LITAFD: variants seen among roughly 807,000 people sequenced by gnomAD.
LITAFD encodes LITAF domain containing.
intron 3 of LITAFD, 63 bp downstream of exon 3, chr16:8,884,528 G>A: frequency 8.5e-6 from 2 of 236,358 alleles, no homozygotes; most frequent in Non-Finnish European, 1.6e-5. Flanking sequence ...GTCCGGGTGG[G>A]TCCCTGCAGG....
intron 3 of LITAFD, among the ~76,000 whole-genome samples, 193 bp downstream of exon 3, chr16:8,884,658 A>T (rs1234254804): frequency 6.6e-6 from 1 of 152,164 alleles, no homozygotes; most frequent in Non-Finnish European, 1.5e-5. Flanking sequence ...CCATGAGAAC[A>T]GCAGGGAGTG....
At chr16:8,882,981 G>A (rs759930649) in intron 1 of LITAFD, among the ~76,000 whole-genome samples, 4 of 152,128 alleles carry the variant, frequency 2.6e-5, no homozygotes, top group Admixed American at 6.5e-5. Flanking sequence ...GATTACAGGC[G>A]TGCGCCACTG....
chr16:8,882,943 C>T (rs72768266), intron 1 of LITAFD, among the ~76,000 whole-genome samples: 2,847 of 152,302 alleles, frequency 0.019, 39 homozygotes, highest in Middle Eastern at 0.061. Context: ...CCAAGTGATT[C>T]TCCTGCCTCG....
chr16:8,885,231 T>A, exon 4 of LITAFD: 1 of 398,858 alleles, frequency 2.5e-6, no homozygotes, highest in East Asian at 3.6e-5. Flanking sequence ...ATAAGGAGCC[T>A]AATGGACGTG....
intron 3 of LITAFD, 29 bp from the exon 4 acceptor site, chr16:8,885,158 C>T (rs1018231205): frequency 3.5e-5 from 14 of 399,186 alleles, no homozygotes; most frequent in Non-Finnish European, 5.7e-5. Context: ...TGGCCCCGCT[C>T]ACGCCCAGCC....
intron 2 of LITAFD, among the ~76,000 whole-genome samples, 187 bp from the exon 3 acceptor site, chr16:8,884,136 T>G (rs959345437): frequency 1.3e-5 from 2 of 151,998 alleles, no homozygotes; most frequent in African/African-American, 4.8e-5. Context: ...TAAGAACACT[T>G]CTTTCCTTAG....
At chr16:8,884,200 C>G (rs1325294303) in intron 2 of LITAFD, 123 bp from the exon 3 acceptor site, 1 of 397,024 alleles carries the variant, frequency 2.5e-6, no homozygotes, top group Non-Finnish European at 4.4e-6. Context: ...TATCAGGTCC[C>G]CAGTCTCCAG....
In LITAFD at chr16:8,884,758, G is replaced by A. The variant is rs531748992; in HGVS notation, c.110+293G>A. Among the ~76,000 whole-genome samples the A allele has an allele frequency of 1.4e-4, 22 of 152,264 alleles. No individual in the cohort carries two copies. In the South Asian group the frequency reaches 4.2e-3, roughly 29 times the overall value. On this transcript the variant is annotated intron_variant, in intron 3 of 3. Coordinates refer to ENST00000636296, the Ensembl canonical transcript of LITAFD. ...AGCAGCCAAGAGCTTGCGGGTTCAG[G>A]ATGGCTCTTACCTCTCAGCTGTGGA... is the stretch of plus-strand genomic sequence containing the variant.
exon 2 of LITAFD, chr16:8,883,256 G>T: frequency 6.6e-6 from 1 of 152,482 alleles, no homozygotes; most frequent in Non-Finnish European, 1.5e-5. Flanking sequence ...CTCCTCACCA[G>T]ATGTACTTTG....
chr16:8,883,926 G>A (rs1441932004), intron 2 of LITAFD, among the ~76,000 whole-genome samples: 1 of 152,164 alleles, frequency 6.6e-6, no homozygotes, highest in Non-Finnish European at 1.5e-5. Context: ...TAAGCCGGGT[G>A]TGATGGCACA....
exon 3 of LITAFD, chr16:8,884,393 G>A (rs1313467008): frequency 2.0e-5 from 8 of 399,044 alleles, no homozygotes; most frequent in African/African-American, 1.2e-4. Context: ...TGTGGAAACC[G>A]CATCATCACG....
At chr16:8,883,721 G>A (rs772522066) in intron 2 of LITAFD, among the ~76,000 whole-genome samples, 5 of 152,174 alleles carry the variant, frequency 3.3e-5, no homozygotes, top group Non-Finnish European at 7.3e-5. Context: ...CAGAACTGCT[G>A]GGTTGGATAG....
chr16:8,884,213 C>G (rs1402053082), intron 2 of LITAFD, 110 bp from the exon 3 acceptor site: 1 of 397,108 alleles, frequency 2.5e-6, no homozygotes, highest in Non-Finnish European at 4.4e-6. Context: ...GTCTCCAGAT[C>G]CCAGCATCTC....
chr16:8,883,871 C>T (rs2061552903), intron 2 of LITAFD, among the ~76,000 whole-genome samples: 2 of 152,166 alleles, frequency 1.3e-5, no homozygotes, highest in East Asian at 1.9e-4. Context: ...TCAAGACCAG[C>T]TTGGCCAACA....
At chr16:8,882,493 G>A (rs2061545783) in exon 1 of LITAFD, 1 of 152,484 alleles carries the variant, frequency 6.6e-6, no homozygotes, top group Non-Finnish European at 1.5e-5. Context: ...CAGAGCACCA[G>A]GATGGAATCA....
At chr16:8,885,044 G>C (rs576323226) in intron 3 of LITAFD, 143 bp from the exon 4 acceptor site, 1 of 399,184 alleles carries the variant, frequency 2.5e-6, no homozygotes, top group Non-Finnish European at 4.4e-6. Context: ...CTGCACTCCA[G>C]CCTGGGATAC....
exon 4 of LITAFD, chr16:8,885,245 C>A (rs2061560834): frequency 2.5e-6 from 1 of 398,716 alleles, no homozygotes; most frequent in Admixed American, 4.4e-5. Context: ...GGACGTGAAG[C>A]ACTCGTGTCC....
intron 1 of LITAFD, among the ~76,000 whole-genome samples, chr16:8,882,966 G>T (rs1485348449): frequency 6.6e-6 from 1 of 152,180 alleles, no homozygotes; most frequent in East Asian, 1.9e-4. Context: ...ATCCCGAGTA[G>T]CTGGGATTAC....
chr16:8,883,639 C>T (rs912433924), intron 2 of LITAFD, among the ~76,000 whole-genome samples: 1 of 152,188 alleles, frequency 6.6e-6, no homozygotes, highest in South Asian at 2.1e-4. Flanking sequence ...GAAGGCCGAG[C>T]CCCCCAGGTG....
Sources: gnomAD v4.1 joint callset for allele counts (sites outside exome capture counted in the v4.1 genomes callset) on GRCh38, gnomAD v4.1.1 for gene constraint, MANE v1.5 for transcripts, NCBI Gene and HGNC (gene_info 2026-07-23, HGNC 2026-07-21) for gene names.